ESRRG: variants seen among roughly 807,000 people sequenced by gnomAD.
ESRRG encodes estrogen-related receptor gamma.
ESRRG carries 13 observed loss-of-function variants against 44.0 expected under a neutral mutation model. That is an observed-to-expected ratio of 0.30 (90% CI 0.19 to 0.47). The LOEUF is 0.47. ESRRG is among the 20% of genes least tolerant of loss of function. ESRRG has a pLI of 1.00. For missense variants in ESRRG, 395 were observed against 580.6 expected (o/e 0.68, Z 3.29); for synonymous variants, 215 against 214.6 (o/e 1.00, Z -0.02).
chr1:216,642,258 T>C (rs1435678063), intron 3 of ESRRG, among the ~76,000 whole-genome samples: 3 of 152,088 alleles, frequency 2.0e-5, no homozygotes, highest in Non-Finnish European at 4.4e-5. Flanking sequence ...CTGAGGTCAT[T>C]ATAAAGATTA....
intron 5 of ESRRG, among the ~76,000 whole-genome samples, chr1:216,526,811 C>T (rs2047801754): frequency 6.6e-6 from 1 of 152,120 alleles, no homozygotes; most frequent in South Asian, 2.1e-4. Context: ...AATCCATGGA[C>T]TGGGAGTAAA....
At chr1:216,589,249 G>A (rs1013593437) in intron 3 of ESRRG, among the ~76,000 whole-genome samples, 18 of 152,282 alleles carry the variant, frequency 1.2e-4, no homozygotes, top group African/African-American at 3.8e-4. Flanking sequence ...GCAGGACGTA[G>A]AACAAGCTTA....
chr1:216,770,693 A>G, intron 2 of ESRRG, among the ~76,000 whole-genome samples: 1 of 152,270 alleles, frequency 6.6e-6, no homozygotes, highest in South Asian at 2.1e-4. Context: ...TCTTTTTAAA[A>G]AACCACATTT....
chr1:217,051,969 C>G (rs954862338), intron 1 of ESRRG, among the ~76,000 whole-genome samples: 1 of 151,474 alleles, frequency 6.6e-6, no homozygotes, highest in African/African-American at 2.4e-5. Context: ...CAGGGTCTTG[C>G]TATGTTCCCC....
At chr1:216,852,440 T>C (rs2095856296) in intron 2 of ESRRG, among the ~76,000 whole-genome samples, 1 of 152,120 alleles carries the variant, frequency 6.6e-6, no homozygotes, top group African/African-American at 2.4e-5. Context: ...CTGATATAAT[T>C]GCAAAAAGTA....
At chr1:216,565,747 GAC>G (rs1285546246) in intron 4 of ESRRG, among the ~76,000 whole-genome samples, 1 of 151,942 alleles carries the variant, frequency 6.6e-6, no homozygotes, top group Admixed American at 6.6e-5. Flanking sequence ...ATACTACGTT[GAC>G]TAGAAAAGAA....
chr1:216,747,263 A>T (rs934776405), intron 2 of ESRRG, among the ~76,000 whole-genome samples: 2 of 152,146 alleles, frequency 1.3e-5, no homozygotes, highest in African/African-American at 4.8e-5. Flanking sequence ...CTTGAGAGTA[A>T]TTACCCGCAT....
intron 2 of ESRRG, among the ~76,000 whole-genome samples, chr1:216,767,080 A>G (rs2093118844): frequency 6.6e-6 from 1 of 152,178 alleles, no homozygotes; most frequent in South Asian, 2.1e-4. Context: ...ACTGAGGTAC[A>G]GTAAAGGGAA....
chr1:216,522,255 C>CTTTTTTTTTTTTTTTTTTTT, intron 5 of ESRRG, among the ~76,000 whole-genome samples: 1 of 29,262 alleles, frequency 3.4e-5, no homozygotes, highest in Non-Finnish European at 5.6e-5. Context: ...AACAGCTCTC[C>CTTTTTTTTTTTTTTTTTTTT]TTTTTTTTTT....
chr1:216,748,303 G>C (rs1332293258), intron 2 of ESRRG, among the ~76,000 whole-genome samples: 1 of 152,122 alleles, frequency 6.6e-6, no homozygotes, highest in Non-Finnish European at 1.5e-5. Context: ...ACTCTAATCT[G>C]TCTGGGACCC....
At chr1:217,112,974 T>C (rs2092676623) in intron 1 of ESRRG, among the ~76,000 whole-genome samples, 1 of 152,180 alleles carries the variant, frequency 6.6e-6, no homozygotes, top group Non-Finnish European at 1.5e-5. Context: ...CTTAAAGATA[T>C]GTAGGTGAGG....
At chr1:216,558,804 C>T (rs2149475522) in intron 5 of ESRRG, among the ~76,000 whole-genome samples, 1 of 152,152 alleles carries the variant, frequency 6.6e-6, no homozygotes, top group South Asian at 2.1e-4. Context: ...ATATAACTAC[C>T]AGGTACATTA....
At chr1:216,593,975 C>G (rs960777015) in intron 3 of ESRRG, among the ~76,000 whole-genome samples, 10 of 152,142 alleles carry the variant, frequency 6.6e-5, no homozygotes, top group Non-Finnish European at 1.2e-4. Flanking sequence ...TCAGGCAATC[C>G]TCCTGCCTCA....
intron 1 of ESRRG, among the ~76,000 whole-genome samples, chr1:216,960,948 T>A (rs2068919977): frequency 6.6e-6 from 1 of 152,172 alleles, no homozygotes; most frequent in South Asian, 2.1e-4. Flanking sequence ...AATGCTCTAC[T>A]GTATTCCTTG....
rs779510343 is a variant in ESRRG at position 216,740,630 on chromosome 1, T to TA, written c.-13-63140dup. ...CCCTGCAAAGGAACGTGCTTAACAT[T>TA]AAAAAAAAAAAGAAGAAAGAAAGAA... On this transcript the variant is annotated intron_variant, in intron 2 of 7. Transcript: ENST00000359162. Among the ~76,000 whole-genome samples, 972 of 141,528 alleles carry TA rather than the reference T, an allele frequency of 6.9e-3. 3 individuals carry two copies. Among genetic ancestry groups the TA allele is most frequent in the Non-Finnish European group, 9.7e-3 (625 of 64,400 alleles). 92.8% of individuals were successfully genotyped at this position (141,528 alleles called of 152,430 possible). A position where few individuals can be genotyped will look rare whatever the true frequency, so the allele number is the denominator to read the frequency against.
intron 2 of ESRRG, among the ~76,000 whole-genome samples, chr1:216,816,857 T>G (rs1359241265): frequency 1.3e-5 from 2 of 152,130 alleles, no homozygotes; most frequent in Non-Finnish European, 2.9e-5. Context: ...CCCAAATAAG[T>G]GATTCAAACA....
chr1:216,595,433 T>C (rs1307466478), intron 3 of ESRRG, among the ~76,000 whole-genome samples: 1 of 152,198 alleles, frequency 6.6e-6, no homozygotes, highest in Admixed American at 6.5e-5. Flanking sequence ...CTTGATAAAA[T>C]ATATTCTGGA....
chr1:217,010,762 G>A (rs530321795), intron 1 of ESRRG, among the ~76,000 whole-genome samples: 1 of 152,114 alleles, frequency 6.6e-6, no homozygotes, highest in Non-Finnish European at 1.5e-5. Context: ...GAATAAAACA[G>A]GCAAAGACCA....
chr1:216,642,640 T>G (rs2066683581), intron 3 of ESRRG, among the ~76,000 whole-genome samples: 1 of 152,116 alleles, frequency 6.6e-6, no homozygotes, highest in African/African-American at 2.4e-5. Flanking sequence ...GTCAACGCAG[T>G]TCTATTAACT....
Sources: allele counts gnomAD v4.1 joint callset (sites outside exome capture counted in the v4.1 genomes callset), GRCh38; gene constraint gnomAD v4.1.1; transcripts MANE v1.5; gene names NCBI Gene and HGNC (gene_info 2026-07-23, HGNC 2026-07-21).